The following NEURL1 variants were observed in gnomAD, a reference collection of about 807,000 sequenced individuals.
The protein encoded by NEURL1 is neuralized E3 ubiquitin protein ligase 1.
In NEURL1, 26 loss-of-function variants were observed where a neutral mutation model predicts 41.2. The ratio of observed to expected loss-of-function variants is 0.63; its 90% CI spans 0.46 to 0.87. The LOEUF is 0.87. NEURL1 is among the 40% of genes least tolerant of loss of function. NEURL1 has a pLI of 0.00. For synonymous variants in NEURL1, 400 were observed against 402.3 expected (o/e 0.99, Z 0.07); for missense variants, 761 against 871.1 (o/e 0.87, Z 1.59).
intron 3 of NEURL1, among the ~76,000 whole-genome samples, chr10:103,583,330 G>T (rs989076584): frequency 6.6e-6 from 1 of 151,998 alleles, no homozygotes; most frequent in Non-Finnish European, 1.5e-5. Context: ...TGGGGAAAAG[G>T]GTCAATGTCA....
At chr10:103,573,924 T>C (rs1030700262) in intron 3 of NEURL1, among the ~76,000 whole-genome samples, 2 of 152,238 alleles carry the variant, frequency 1.3e-5, no homozygotes, top group African/African-American at 4.8e-5. Context: ...GTGCTGGTGC[T>C]TCTCTCAGTA....
intron 1 of NEURL1, among the ~76,000 whole-genome samples, chr10:103,559,904 ACAC>A (rs947121976): frequency 3.9e-5 from 6 of 152,086 alleles, no homozygotes; most frequent in African/African-American, 1.4e-4. Context: ...GCATGCACAC[ACAC>A]AACACACACA....
intron 3 of NEURL1, chr10:103,577,825 C>T (rs1007986137): frequency 6.6e-6 from 1 of 152,198 alleles, no homozygotes; most frequent in African/African-American, 2.4e-5. Flanking sequence ...CGGAGGCTCC[C>T]GAGGGCTTTG....
intron 1 of NEURL1, among the ~76,000 whole-genome samples, chr10:103,511,351 C>T (rs2034067967): frequency 6.6e-6 from 1 of 152,180 alleles, no homozygotes; most frequent in Admixed American, 6.5e-5. Flanking sequence ...CTGGGGGTCC[C>T]ACTGGGCTAT....
At chr10:103,538,942 C>T (rs1223004891) in intron 1 of NEURL1, among the ~76,000 whole-genome samples, 2 of 130,004 alleles carry the variant, frequency 1.5e-5, no homozygotes, top group Admixed American at 7.4e-5. Flanking sequence ...CCACCGCACC[C>T]GTTTTTTTTT....
At chr10:103,517,662 A>G (rs967876931) in intron 1 of NEURL1, among the ~76,000 whole-genome samples, 5 of 152,246 alleles carry the variant, frequency 3.3e-5, no homozygotes, top group Admixed American at 1.3e-4. Context: ...TCAGAAGTCA[A>G]TGTACTGTTT....
rs990599723 is a variant in NEURL1, at chr10:103,529,405, G to A, written c.85+34933G>A. 3.9e-5 allele frequency among the ~76,000 whole-genome samples: 6 copies of A among 152,270 alleles called. No individual in the cohort carries two copies. In the East Asian group the frequency reaches 9.6e-4, roughly 24 times the overall value. ...AAGATAACTTGGGGCTCCTAAGCCT[G>A]CCAGAAAATGACATTCTATACTTAC... On this transcript the variant is annotated intron_variant, in intron 1 of 5. Transcript: ENST00000369780.
At chr10:103,495,656 A>G (rs1376468980) in intron 1 of NEURL1, among the ~76,000 whole-genome samples, 1 of 152,160 alleles carries the variant, frequency 6.6e-6, no homozygotes, top group Non-Finnish European at 1.5e-5. Flanking sequence ...GTTAACTTTT[A>G]AGACCAGGGA....
At chr10:103,520,772 G>A (rs556463042) in intron 1 of NEURL1, among the ~76,000 whole-genome samples, 2 of 152,328 alleles carry the variant, frequency 1.3e-5, no homozygotes, top group South Asian at 4.1e-4. Context: ...AGCGGGATTA[G>A]GGTTGGCGTG....
At chr10:103,550,848 C>T (rs2035018295) in intron 1 of NEURL1, 1 of 152,190 alleles carries the variant, frequency 6.6e-6, no homozygotes, top group Non-Finnish European at 1.5e-5. Context: ...AGTTTTATAG[C>T]CCGAAAATGG....
intron 1 of NEURL1, among the ~76,000 whole-genome samples, chr10:103,507,127 A>C (rs2033965832): frequency 1.3e-5 from 2 of 152,138 alleles, no homozygotes; most frequent in South Asian, 4.1e-4. Flanking sequence ...AAGGTCATAC[A>C]GCTGGATTGG....
intron 1 of NEURL1, among the ~76,000 whole-genome samples, chr10:103,564,304 TG>T (rs1365203238): frequency 2.0e-5 from 3 of 152,142 alleles, no homozygotes; most frequent in Non-Finnish European, 4.4e-5. Flanking sequence ...GTGCCCCCAC[TG>T]GGGCTCCCAA....
In NEURL1 at chr10:103,557,888, C is replaced by CT. The variant is rs926395615; in HGVS notation, c.86-12975dup. 3.0e-4 allele frequency among the ~76,000 whole-genome samples: 45 copies of CT among 151,502 alleles called. 1 individual carries two copies. The South Asian group carries it at 8.8e-3, about 29-fold the overall frequency. On this transcript the variant is annotated intron_variant, in intron 1 of 5. Transcript: ENST00000369780. ...ATTGTATTATCTTTTCTTTTCTTTT[C>CT]TTTTTTTTTGAGACGTAGTCTCTCT...
rs988246861 is a variant in NEURL1 at position 103,558,408 on chromosome 10, G to T, written c.86-12464G>T. Among the ~76,000 whole-genome samples, 1 of 152,062 alleles carries T rather than the reference G, an allele frequency of 6.6e-6. No individual in the cohort carries two copies. The highest frequency in any genetic ancestry group is 2.4e-5 in the African/African-American group (1 of 41,398). On this transcript the variant is annotated intron_variant, in intron 1 of 5. Transcript: ENST00000369780. This position sits in a 1 kb window ranked among gnomAD's most constrained non-coding sequence, Gnocchi z 4.2. ...AGATCTCTGTGTACCTGTGTGATGT[G>T]TCTCTAACTGTGGATTGAAGCGACT...
chr10:103,565,583 GA>G (rs1216431905), intron 1 of NEURL1, among the ~76,000 whole-genome samples: 1 of 152,232 alleles, frequency 6.6e-6, no homozygotes, highest in Non-Finnish European at 1.5e-5. Context: ...CCGTGGTGGT[GA>G]GAAAGTGCAG....
chr10:103,583,536 G>A lies in NEURL1; in HGVS notation c.650-1000G>A, dbSNP rs148359351. Among the ~76,000 whole-genome samples the A allele has an allele frequency of 6.6e-4, 100 of 151,584 alleles. 1 individual carries two copies. The highest frequency in any genetic ancestry group is 1.7e-3 in the African/African-American group (72 of 41,254). On this transcript the variant is annotated intron_variant, in intron 3 of 5. Coordinates refer to ENST00000369780, the MANE Select transcript of NEURL1 (RefSeq NM_004210.5). ...TTGGAGACCAGATGGGCAACATGGCGAAATACCGTCTCTACCCCAAAAATA... is the reference window on the plus strand; with the variant it reads ...TTGGAGACCAGATGGGCAACATGGCAAAATACCGTCTCTACCCCAAAAATA...
intron 4 of NEURL1, 83 bp from the exon 5 acceptor site, chr10:103,589,431 G>A: frequency 6.8e-7 from 1 of 1,470,800 alleles, no homozygotes; most frequent in Non-Finnish European, 9.1e-7. Flanking sequence ...TCAGGCCTGG[G>A]AACCCACTGT....
chr10:103,512,989 T>C (rs2034108856), intron 1 of NEURL1, among the ~76,000 whole-genome samples: 1 of 152,044 alleles, frequency 6.6e-6, no homozygotes, highest in Admixed American at 6.6e-5. Flanking sequence ...TCTCTCTCCC[T>C]CTACCTTCTC....
At chr10:103,540,885 T>C (rs2034807254) in intron 1 of NEURL1, among the ~76,000 whole-genome samples, 1 of 152,248 alleles carries the variant, frequency 6.6e-6, no homozygotes, top group South Asian at 2.1e-4. Flanking sequence ...TCAATATTCA[T>C]TGGTCATGGG....
Sources: allele counts gnomAD v4.1 joint callset (sites outside exome capture counted in the v4.1 genomes callset), GRCh38; gene constraint gnomAD v4.1.1; non-coding constraint Gnocchi (gnomAD v3.1); transcripts MANE v1.5; gene names NCBI Gene and HGNC (gene_info 2026-07-23, HGNC 2026-07-21).